The following NHS variants were observed in gnomAD, a reference collection of about 807,000 sequenced individuals.
NHS encodes actin remodeling regulator NHS.
A neutral mutation model predicts 72.5 loss-of-function variants in NHS; 5 were observed. The ratio of observed to expected loss-of-function variants is 0.07; its 90% CI spans 0.04 to 0.14. The LOEUF is 0.14. Ranked by LOEUF, NHS falls within the 10% of genes least tolerant of loss-of-function variation. The pLI, the probability that NHS is intolerant of heterozygous loss-of-function variation, is 1.00. For missense variants in NHS, 1,072 were observed against 1,355.7 expected, an observed-to-expected ratio of 0.79 and a Z score of 3.29; for synonymous variants, 464 against 547.7, an observed-to-expected ratio of 0.85 and a Z score of 2.13.
chrX:17,494,793 T>G (rs937233852), intron 1 of NHS, among the ~76,000 whole-genome samples: 1 of 112,501 alleles, frequency 8.9e-6, no homozygotes, highest in African/African-American at 3.2e-5. Context: ...GGGAATTTTT[T>G]AAAAACCCAA....
At chrX:17,381,210 C>T (rs755500376) in intron 1 of NHS, among the ~76,000 whole-genome samples, 1 of 111,868 alleles carries the variant, frequency 8.9e-6, no homozygotes, top group African/African-American at 3.2e-5. Context: ...GCTTTGACTC[C>T]AGGATGTTCA....
chrX:17,487,244 G>C (rs1377773324), intron 1 of NHS, among the ~76,000 whole-genome samples: 4 of 112,026 alleles, frequency 3.6e-5, no homozygotes, highest in Non-Finnish European at 5.6e-5. Context: ...CACACAACTG[G>C]GAAGTGACTG....
chrX:17,713,620 A>C (rs2066347712), intron 3 of NHS, among the ~76,000 whole-genome samples: 1 of 111,899 alleles, frequency 8.9e-6, no homozygotes, highest in African/African-American at 3.3e-5. Flanking sequence ...AAAGAAAATA[A>C]GCCCCCATCA....
intron 5 of NHS, among the ~76,000 whole-genome samples, chrX:17,723,688 C>T (rs2147139854): frequency 9.4e-6 from 1 of 105,840 alleles, no homozygotes; most frequent in Non-Finnish European, 1.9e-5. Context: ...TTTAAAAAAA[C>T]AAATCCTTAG....
chrX:17,547,468 G>T (rs983750690), intron 1 of NHS, among the ~76,000 whole-genome samples: 3 of 112,158 alleles, frequency 2.7e-5, no homozygotes, highest in Non-Finnish European at 5.6e-5. Context: ...AGTCCAGCCA[G>T]TATTCATTCA....
chrX:17,558,137 A>T (rs1429000758), intron 1 of NHS, among the ~76,000 whole-genome samples: 1 of 111,815 alleles, frequency 8.9e-6, no homozygotes, highest in Non-Finnish European at 1.9e-5. Context: ...TGCCTAGTAC[A>T]ATATGTCTGA....
At chrX:17,527,743 A>AT (rs34306372) in intron 1 of NHS, among the ~76,000 whole-genome samples, 24 of 111,180 alleles carry the variant, frequency 2.2e-4, no homozygotes, top group African/African-American at 7.5e-4. Context: ...CAGGGGTGGC[A>AT]TTTTTTTTCC....
chrX:17,631,404 T>C (rs1261028245), intron 1 of NHS, among the ~76,000 whole-genome samples: 1 of 112,176 alleles, frequency 8.9e-6, no homozygotes, highest in African/African-American at 3.2e-5. Flanking sequence ...TCTTCATTAT[T>C]GTTGGTTGTG....
chrX:17,584,913 C>G (rs188455652), intron 1 of NHS, among the ~76,000 whole-genome samples: 3 of 111,485 alleles, frequency 2.7e-5, no homozygotes, highest in Admixed American at 1.9e-4. Flanking sequence ...TAGCTTGCAA[C>G]ATCCTTTTTA....
rs752311764 is a variant in NHS, at chrX:17,732,980, TTATC to T, written c.*519_*522del. On this transcript the variant is annotated 3_prime_UTR_variant, in exon 9 of 9. Coordinates refer to ENST00000676302, the MANE Select transcript of NHS (RefSeq NM_001291867.2). ...CAATGATGAGTGGACATGTGGTCAA[TTATC>T]TACTGCACACCAACTGTTTATAGAA... 3.1e-4 allele frequency: 41 copies of T among 130,943 alleles called. No homozygotes were observed. The highest frequency in any genetic ancestry group is 5.6e-4 in the Non-Finnish European group (36 of 63,844). The allele number at this position is 130,943 out of a possible 1,213,427, so 10.8% of individuals were successfully genotyped here.
intron 1 of NHS, among the ~76,000 whole-genome samples, chrX:17,508,708 T>C (rs2065071130): frequency 9.0e-6 from 1 of 111,009 alleles, no homozygotes; most frequent in Non-Finnish European, 1.9e-5. Context: ...GACCTCAAAT[T>C]ATCCGCCTGC....
chrX:17,648,576 A>G (rs1337782249), intron 1 of NHS, among the ~76,000 whole-genome samples: 1 of 112,642 alleles, frequency 8.9e-6, no homozygotes, highest in Non-Finnish European at 1.9e-5. Context: ...GTATTTGCAA[A>G]TTTTTATACA....
Position 17,376,376 on chromosome X carries a change from C to T in NHS, c.565+54C>T, listed in dbSNP as rs990452146. 4.7e-6 allele frequency: 5 copies of T among 1,055,286 alleles called. No homozygotes were observed. In the African/African-American group the frequency reaches 9.3e-5, roughly 20 times the overall value. 87.0% of individuals were successfully genotyped at this position (1,055,286 alleles called of 1,213,427 possible). ...GCTATGGGTTTCTGCGCCGCACCCT[C>T]GCGCCCTCCCCAGCAGCGGCAATCC... On this transcript the variant is annotated intron_variant, in intron 1 of 8. Coordinates refer to ENST00000676302, the MANE Select transcript of NHS (RefSeq NM_001291867.2).
intron 7 of NHS, 118 bp from the exon 8 acceptor site, chrX:17,728,531 A>G (rs1285991548): frequency 9.5e-7 from 1 of 1,048,732 alleles, no homozygotes; most frequent in Non-Finnish European, 1.3e-6. Flanking sequence ...TTTTTAAAAA[A>G]TGGCAGCAAG....
At chrX:17,447,793 A>G (rs916595637) in intron 1 of NHS, among the ~76,000 whole-genome samples, 13 of 108,561 alleles carry the variant, frequency 1.2e-4, no homozygotes, top group African/African-American at 4.4e-4. Flanking sequence ...ACGCACACAC[A>G]CACACACACA....
chrX:17,517,052 C>T (rs1272286936), intron 1 of NHS, among the ~76,000 whole-genome samples: 1 of 112,100 alleles, frequency 8.9e-6, no homozygotes. Context: ...CACAGAGGCG[C>T]CCCTTGAACA....
At chrX:17,506,549 A>G (rs952927006) in intron 1 of NHS, among the ~76,000 whole-genome samples, 1 of 104,905 alleles carries the variant, frequency 9.5e-6, no homozygotes, top group African/African-American at 3.5e-5. Context: ...AAATAAATAA[A>G]TAAATAAATA....
chrX:17,607,577 C>A (rs780212444), intron 1 of NHS, among the ~76,000 whole-genome samples: 32 of 111,326 alleles, frequency 2.9e-4, no homozygotes, highest in Non-Finnish European at 5.7e-4. Flanking sequence ...TCCTTTCCCC[C>A]TGCCTAACCC....
At chrX:17,701,615 T>C (rs1002266348) in intron 3 of NHS, among the ~76,000 whole-genome samples, 16 of 111,539 alleles carry the variant, frequency 1.4e-4, no homozygotes, top group African/African-American at 5.2e-4. Flanking sequence ...GCTTGTGAGT[T>C]ACTGGGAAGG....
Sources: allele counts gnomAD v4.1 joint callset (sites outside exome capture counted in the v4.1 genomes callset), GRCh38; gene constraint gnomAD v4.1.1; transcripts MANE v1.5; gene names NCBI Gene and HGNC (gene_info 2026-07-23, HGNC 2026-07-21).